The following ANKK1 variants were observed in gnomAD, a reference collection of about 807,000 sequenced individuals.
The protein encoded by ANKK1 is ankyrin repeat and kinase domain containing 1, also known as ankyrin repeat and protein kinase domain-containing protein 1.
ANKK1 carries 37 observed loss-of-function variants against 37.6 expected under a neutral mutation model. That is an observed-to-expected ratio of 0.98 (90% CI 0.76 to 1.29). ANKK1 has a LOEUF of 1.29. Among genes scored for constraint, ANKK1 ranks in the 50% most tolerant of loss-of-function variants. The pLI is 0.00. For missense variants in ANKK1, 1,019 were observed against 990.6 expected, an observed-to-expected ratio of 1.03 and a Z score of -0.39; for synonymous variants, 415 against 418.7, an observed-to-expected ratio of 0.99 and a Z score of 0.11.
At position 113,397,463 on chromosome 11, in the gene ANKK1, A is replaced by T. The variant is rs571482101; in HGVS notation, c.957+121A>T. On this transcript the variant is annotated intron_variant, in intron 6 of 7. Coordinates refer to ENST00000303941, the MANE Select transcript of ANKK1 (RefSeq NM_178510.2). ...CACAGCCCAGCTTGGGGCCACCTCC[A>T]TCCAGAGGGGACACATTTCCCTAAT... is the stretch of plus-strand genomic sequence containing the variant. 5.4e-6 allele frequency: 4 copies of T among 743,706 alleles called. No homozygotes were observed. In the South Asian group the frequency reaches 7.3e-5, roughly 14 times the overall value. 46.1% of individuals were successfully genotyped at this position (743,706 alleles called of 1,614,324 possible). A position where few individuals can be genotyped will look rare whatever the true frequency, so the allele number is the denominator to read the frequency against.
intron 1 of ANKK1, among the ~76,000 whole-genome samples, chr11:113,391,156 GAAC>G (rs777490028): frequency 3.2e-4 from 48 of 152,324 alleles, no homozygotes; most frequent in Non-Finnish European, 5.9e-4. Flanking sequence ...TAGGCAGAGA[GAAC>G]AACAGGTGCA....
chr11:113,396,110 G>A lies in ANKK1; in HGVS notation c.726G>A (p.Met242Ile), dbSNP rs1950636289. The A allele has an allele frequency of 1.9e-6, 3 of 1,614,002 alleles. No homozygotes were observed. The highest frequency in any genetic ancestry group is 8.5e-7 in the Non-Finnish European group (1 of 1,179,900). Residue 242 changes from methionine (M) to isoleucine (I), a missense_variant, in exon 5 of 8, where the codon ATG (methionine) becomes ATA (isoleucine). Met to Ile is a conservative substitution (Grantham distance 10). Transcript: ENST00000303941. The stretch of plus-strand genomic sequence containing the variant: ...TTATTATCCGAGTGGCGGCAGGCAT[G>A]CGGCCCTCCCTACAGCCTGTCTCTG... Reference protein sequence around the residue: ...MMIIIRVAAGMRPSLQPVSDQ... With the variant: ...MMIIIRVAAGIRPSLQPVSDQ...
chr11:113,395,139 C>T, intron 3 of ANKK1, 59 bp downstream of exon 3: 1 of 1,543,594 alleles, frequency 6.5e-7, no homozygotes, highest in Non-Finnish European at 8.8e-7. Flanking sequence ...TGCCACCACC[C>T]TGCCTGGCCT....
Position 113,395,497 on chromosome 11 carries a change from G to T in ANKK1, c.682+89G>T, listed in dbSNP as rs1020588183. On this transcript the variant is annotated intron_variant, in intron 4 of 7. Coordinates refer to ENST00000303941, the MANE Select transcript of ANKK1 (RefSeq NM_178510.2). ...GGGCTGTGGGAGGACTGAGGGTTGG[G>T]GGGGGTCAAGTTGCAGGTTTGTGTG... 37 of 1,427,024 alleles carry T rather than the reference G, an allele frequency of 2.6e-5. No homozygotes were observed. The African/African-American group carries it at 3.5e-4, about 14-fold the overall frequency. 88.4% of individuals were successfully genotyped at this position (1,427,024 alleles called of 1,614,324 possible). A position where few individuals can be genotyped will look rare whatever the true frequency, so the allele number is the denominator to read the frequency against.
chr11:113,398,315 A>T lies in ANKK1; in HGVS notation c.994+299A>T, dbSNP rs951335115. ...GCATGTTAGAATTGCTCGGGAAATT[A>T]AAAAAAAAAAAAAAAAAAAGCTTTG... is the stretch of plus-strand genomic sequence containing the variant. On this transcript the variant is annotated intron_variant, in intron 7 of 7. Transcript: ENST00000303941. 1.9e-4 allele frequency among the ~76,000 whole-genome samples: 4 copies of T among 21,056 alleles called. No homozygotes were observed. In the Admixed American group the frequency reaches 2.1e-3, roughly 11 times the overall value. The allele number at this position is 21,056 out of a possible 152,430, so 13.8% of individuals were successfully genotyped here.
Position 113,400,416 on chromosome 11 carries a change from G to A in ANKK1, c.*149G>A. On this transcript the variant is annotated 3_prime_UTR_variant, in exon 8 of 8. Transcript: ENST00000303941. ...TGCTAAAAATACAAAATTTAGCTGG[G>A]TATGGTGGCACGTGCCTGTAATCCC... The A allele has an allele frequency of 1.2e-6, 1 of 829,588 alleles. No individual in the cohort carries two copies. Among genetic ancestry groups the A allele is most frequent in the Non-Finnish European group, 1.8e-6 (1 of 550,580 alleles). The allele number at this position is 829,588 out of a possible 1,614,324, so 51.4% of individuals were successfully genotyped here. A position where few individuals can be genotyped will look rare whatever the true frequency, so the allele number is the denominator to read the frequency against.
Position 113,388,039 on chromosome 11 carries a change from G to A in ANKK1, c.155G>A (p.Cys52Tyr). 6.5e-7 allele frequency: 1 copy of A among 1,534,752 alleles called. No homozygotes were observed. Among genetic ancestry groups the A allele is most frequent in the Non-Finnish European group, 8.8e-7 (1 of 1,139,596 alleles). ...RRWRTEYAIKCAPCLPPDAAS... is the reference protein window; with the variant it reads ...RRWRTEYAIKYAPCLPPDAAS... Reference sequence around the variant, plus strand: ...TGGCGGACGGAGTACGCCATCAAGTGCGCCCCCTGCCTTCCACCCGACGCC... The same window carrying A: ...TGGCGGACGGAGTACGCCATCAAGTACGCCCCCTGCCTTCCACCCGACGCC... The change falls in exon 1 of 8, where the codon TGC becomes TAC. Residue 52 changes from cysteine to tyrosine, a missense_variant. Physicochemically the swap from Cys to Tyr is radical, Grantham distance 194 (BLOSUM62 -2). Coordinates refer to ENST00000303941, the MANE Select transcript of ANKK1 (RefSeq NM_178510.2).
At chr11:113,398,057 C>T in intron 7 of ANKK1, 41 bp downstream of exon 7, 1 of 1,557,402 alleles carries the variant, frequency 6.4e-7, no homozygotes, top group Non-Finnish European at 8.7e-7. Flanking sequence ...GAACTCACAG[C>T]AGAGAAAATG....
chr11:113,396,243 A>T (rs779036343), intron 5 of ANKK1, 21 bp downstream of exon 5: 24 of 1,610,062 alleles, frequency 1.5e-5, no homozygotes, highest in Non-Finnish European at 2.0e-5. Flanking sequence ...AGTGCCCCCT[A>T]CCCAGGGACT....
Position 113,387,867 on chromosome 11 carries a change from G to T in ANKK1, c.-18G>T, listed in dbSNP as rs1304970852. On this transcript the variant is annotated 5_prime_UTR_variant, in exon 1 of 8. Transcript: ENST00000303941. The stretch of plus-strand genomic sequence containing the variant: ...CACAGCGGGGAGTGCGCGGCGCGGG[G>T]ACAGGAAGAGAGGGGCAATGGCTGC... 8 of 1,503,354 alleles carry T rather than the reference G, an allele frequency of 5.3e-6. No homozygotes were observed. In the South Asian group the frequency reaches 8.7e-5, roughly 16 times the overall value. The allele number at this position is 1,503,354 out of a possible 1,614,324, so 93.1% of individuals were successfully genotyped here.
chr11:113,396,249 G>C, intron 5 of ANKK1, 27 bp downstream of exon 5: 1 of 1,610,322 alleles, frequency 6.2e-7, no homozygotes, highest in Non-Finnish European at 8.5e-7. Context: ...CCCTACCCAG[G>C]GACTGGGAGC....
intron 4 of ANKK1, 111 bp from the exon 5 acceptor site, chr11:113,395,956 G>A (rs1171924466): frequency 1.6e-6 from 2 of 1,248,478 alleles, no homozygotes; most frequent in East Asian, 2.4e-5. Flanking sequence ...CATTTGTGGA[G>A]CCCCCACTGC....
chr11:113,396,062 T>C lies in ANKK1; in HGVS notation c.683-5T>C, dbSNP rs764713503. On this transcript the variant is annotated splice_region_variant and splice_polypyrimidine_tract_variant and intron_variant, in intron 4 of 7. Transcript: ENST00000303941. ...CACCCACATAGCCTGAGCCTCCCTT[T>C]GCAGGGTTCAACATGATGATGATTA... The C allele has an allele frequency of 6.2e-7, 1 of 1,613,730 alleles. No individual in the cohort carries two copies. The highest frequency in any genetic ancestry group is 8.5e-7 in the Non-Finnish European group (1 of 1,179,806).
chr11:113,393,362 G>A (rs1950602889), intron 1 of ANKK1, 119 bp from the exon 2 acceptor site: 1 of 1,087,574 alleles, frequency 9.2e-7, no homozygotes, highest in Non-Finnish European at 1.3e-6. Context: ...TACCTTGCAA[G>A]CTCCTGAGGC....
In ANKK1 at chr11:113,388,072, A is replaced by G. The variant is rs1950559946; in HGVS notation, c.185+3A>G. ...TGCCTTCCACCCGACGCCGCCAGGT[A>G]CTGCCAGCCTCGCCCTCCCCTTTCT... On this transcript the variant is annotated splice_donor_region_variant and intron_variant, in intron 1 of 7. Transcript: ENST00000303941. 6.7e-7 allele frequency: 1 copy of G among 1,487,740 alleles called. No homozygotes were observed. Among genetic ancestry groups the G allele is most frequent in the South Asian group, 1.3e-5 (1 of 78,232 alleles). 92.2% of individuals were successfully genotyped at this position (1,487,740 alleles called of 1,614,324 possible). A position where few individuals can be genotyped will look rare whatever the true frequency, so the allele number is the denominator to read the frequency against.
chr11:113,399,681 G>A lies in ANKK1; in HGVS notation c.1712G>A (p.Gly571Asp), dbSNP rs751085500. 27 of 1,597,684 alleles carry A rather than the reference G, an allele frequency of 1.7e-5. No individual in the cohort carries two copies. Among genetic ancestry groups the A allele is most frequent in the Non-Finnish European group, 2.2e-5 (26 of 1,172,266 alleles). ...CCACTGCACACTGCAGCTGCCAGGG[G>A]CAAATACCTGATCTGCAAGATGCTG... ...YGPLHTAAARGKYLICKMLLR... is the reference protein window; with the variant it reads ...YGPLHTAAARDKYLICKMLLR... Residue 571 changes from glycine to aspartate, a missense_variant, in exon 8 of 8, where the codon GGC becomes GAC. Gly to Asp is a moderately conservative substitution (Grantham distance 94, BLOSUM62 -1). Transcript: ENST00000303941.
rs774363217 is a variant in ANKK1 at position 113,400,108 on chromosome 11, G to C, written c.2139G>C (p.Glu713Asp). 1 of 1,612,912 alleles carries C rather than the reference G, an allele frequency of 6.2e-7. No homozygotes were observed. Among genetic ancestry groups the C allele is most frequent in the African/African-American group, 1.3e-5 (1 of 74,924 alleles). Residue 713 changes from glutamate (E) to aspartate (D), a missense_variant, in exon 8 of 8, where the codon GAG becomes GAC. By Grantham distance (45) the Glu-to-Asp change is conservative (BLOSUM62 2). Transcript: ENST00000303941. ...CAGCCATCCTCAAAGTGCTGGTCGA[G>C]GCAGGCGCCCAGCTGGACGTCCAGG... ...GNTAILKVLV[E>D]AGAQLDVQDG...
At chr11:113,388,991 C>T (rs1186704506) in intron 1 of ANKK1, among the ~76,000 whole-genome samples, 2 of 152,220 alleles carry the variant, frequency 1.3e-5, no homozygotes, top group South Asian at 2.1e-4. Flanking sequence ...CTAGGATTAC[C>T]ATGCAAACTC....
In ANKK1 at chr11:113,387,859, G is replaced by T. The variant is rs1390822130; in HGVS notation, c.-26G>T. The T allele has an allele frequency of 3.4e-6, 5 of 1,471,158 alleles. No individual in the cohort carries two copies. The highest frequency in any genetic ancestry group is 2.7e-6 in the Non-Finnish European group (3 of 1,109,164). The allele number at this position is 1,471,158 out of a possible 1,614,324, so 91.1% of individuals were successfully genotyped here. On this transcript the variant is annotated 5_prime_UTR_variant, in exon 1 of 8. Transcript: ENST00000303941. ...GCAGCAGCCACAGCGGGGAGTGCGC[G>T]GCGCGGGGACAGGAAGAGAGGGGCA...
Sources: gnomAD v4.1 joint callset for allele counts (sites outside exome capture counted in the v4.1 genomes callset) on GRCh38, gnomAD v4.1.1 for gene constraint, MANE v1.5 for transcripts, NCBI Gene and HGNC (gene_info 2026-07-23, HGNC 2026-07-21) for gene names.